The following TECPR2 variants were observed in gnomAD, a reference collection of about 807,000 sequenced individuals.
TECPR2 encodes the protein tectonin beta-propeller repeat containing 2, also known as tectonin beta-propeller repeat-containing protein 2.
In TECPR2, 65 loss-of-function variants were observed where a neutral mutation model predicts 138.1. That is an observed-to-expected ratio of 0.47 (90% CI 0.39 to 0.58). TECPR2 has a LOEUF of 0.58. Among genes scored for constraint, TECPR2 ranks in the 20% least tolerant of loss-of-function variants. The pLI, the probability that TECPR2 is intolerant of heterozygous loss-of-function variation, is 0.00. For synonymous variants in TECPR2, 746 were observed against 749.8 expected (o/e 0.99, Z 0.08); for missense variants, 1,553 against 1,824.5 (o/e 0.85, Z 2.71).
At position 102,408,506 on chromosome 14, in the gene TECPR2, A is replaced by G; in HGVS notation, c.367A>G (p.Thr123Ala). ...RNKQLRRFDV[T>A]GIHKNSITAL... ...TTCATAGCTTCGGAGATTTGATGTC[A>G]CTGGTATTCACAAAAATAGCATTAC... Residue 123 changes from threonine to alanine, a missense_variant, in exon 4 of 20, where the codon ACT becomes GCT. Coordinates refer to ENST00000359520, the MANE Select transcript of TECPR2 (RefSeq NM_014844.5). The G allele has an allele frequency of 6.2e-7, 1 of 1,607,746 alleles. No homozygotes were observed. The highest frequency in any genetic ancestry group is 1.3e-5 in the African/African-American group (1 of 74,552).
At position 102,407,334 on chromosome 14, in the gene TECPR2, C is replaced by G. The variant is rs199851151; in HGVS notation, c.220-4C>G. On this transcript the variant is annotated splice_polypyrimidine_tract_variant and splice_region_variant and intron_variant, in intron 2 of 19. Transcript: ENST00000359520. Reference sequence around the variant, plus strand: ...AGATTCATTTGTTTTCAACGTTTCCCCAGGGGAAGACGGAATCTATCACTG... The same window carrying G: ...AGATTCATTTGTTTTCAACGTTTCCGCAGGGGAAGACGGAATCTATCACTG... 1 of 1,594,872 alleles carries G rather than the reference C, an allele frequency of 6.3e-7. No homozygotes were observed. Among genetic ancestry groups the G allele is most frequent in the Non-Finnish European group, 8.5e-7 (1 of 1,172,640 alleles).
chr14:102,474,453 C>G (rs1344141089), intron 17 of TECPR2, among the ~76,000 whole-genome samples: 2 of 151,704 alleles, frequency 1.3e-5, no homozygotes, highest in East Asian at 3.9e-4. Flanking sequence ...GGAGAAACCC[C>G]GTCTCTACTA....
chr14:102,381,953 A>G (rs78181708), intron 2 of TECPR2, among the ~76,000 whole-genome samples: 6,064 of 152,304 alleles, frequency 0.04, 137 homozygotes, highest in Middle Eastern at 0.088. Context: ...ATACATTTGT[A>G]CATTCTTCTT....
At chr14:102,433,143 A>T (rs530504019) in intron 8 of TECPR2, among the ~76,000 whole-genome samples, 1 of 152,138 alleles carries the variant, frequency 6.6e-6, no homozygotes, top group Admixed American at 6.5e-5. Flanking sequence ...TTTAGTGTTG[A>T]ATATGCTACC....
At chr14:102,495,114 T>A (rs1053864048) in intron 17 of TECPR2, among the ~76,000 whole-genome samples, 10 of 152,036 alleles carry the variant, frequency 6.6e-5, no homozygotes, top group African/African-American at 2.2e-4. Context: ...CTTGGGAAGC[T>A]GAGGTGGGAG....
At chr14:102,480,846 T>TTTG (rs972092766) in intron 17 of TECPR2, among the ~76,000 whole-genome samples, 2 of 119,948 alleles carry the variant, frequency 1.7e-5, no homozygotes, top group East Asian at 2.4e-4. Flanking sequence ...TTTGGGTTTT[T>TTTG]TTTTTTTTTT....
chr14:102,469,859 G>T (rs1481468420), intron 17 of TECPR2, among the ~76,000 whole-genome samples: 1 of 151,956 alleles, frequency 6.6e-6, no homozygotes, highest in Non-Finnish European at 1.5e-5. Flanking sequence ...TGGTCATCTG[G>T]TTTTTTTCCT....
chr14:102,479,246 T>G (rs1185564776), intron 17 of TECPR2, among the ~76,000 whole-genome samples: 1 of 152,110 alleles, frequency 6.6e-6, no homozygotes, highest in Admixed American at 6.6e-5. Flanking sequence ...GTAAAGAGGC[T>G]TGGCCTAGTG....
chr14:102,447,727 G>T (rs546528753), intron 13 of TECPR2, among the ~76,000 whole-genome samples: 1 of 152,238 alleles, frequency 6.6e-6, no homozygotes, highest in South Asian at 2.1e-4. Flanking sequence ...TAGAGACAGG[G>T]TTTCACCATG....
At chr14:102,431,488 G>A (rs911104395) in intron 7 of TECPR2, among the ~76,000 whole-genome samples, 1 of 151,882 alleles carries the variant, frequency 6.6e-6, no homozygotes, top group Non-Finnish European at 1.5e-5. Flanking sequence ...GACCCCCGGC[G>A]CCCGCCACCA....
chr14:102,426,968 C>T (rs757129297), intron 6 of TECPR2, among the ~76,000 whole-genome samples: 4 of 152,174 alleles, frequency 2.6e-5, no homozygotes, highest in Non-Finnish European at 4.4e-5. Flanking sequence ...CCTGGTAACA[C>T]TGGTTTGGCA....
At chr14:102,396,335 T>G (rs1226441501) in intron 2 of TECPR2, among the ~76,000 whole-genome samples, 2 of 152,090 alleles carry the variant, frequency 1.3e-5, no homozygotes, top group East Asian at 3.9e-4. Flanking sequence ...ACTCCTGACC[T>G]CAGGTGATCT....
rs1567342028 is a variant in TECPR2, at chr14:102,438,215, C to A, written c.2578+10C>A. 1.1e-6 allele frequency: 1 copy of A among 872,378 alleles called. No individual in the cohort carries two copies. Among genetic ancestry groups the A allele is most frequent in the South Asian group, 2.1e-5 (1 of 47,354 alleles). 54.0% of individuals were successfully genotyped at this position (872,378 alleles called of 1,614,324 possible). On this transcript the variant is annotated intron_variant, in intron 10 of 19. Coordinates refer to ENST00000359520, the MANE Select transcript of TECPR2 (RefSeq NM_014844.5). The stretch of plus-strand genomic sequence containing the variant: ...GCAGTCTCGCCCTCAGGTTCGCCTC[C>A]CCGCTCCCTGCTCCCGCTCCCTGCT...
rs372609373 is a variant in TECPR2, at chr14:102,443,466, C to T, written c.2753-181C>T. On this transcript the variant is annotated intron_variant, in intron 11 of 19. Transcript: ENST00000359520. The surrounding 1 kb of genome is among the most constrained non-coding windows in gnomAD (Gnocchi z 4.9). ...AGGAGTTTGAGATCAGCCTGGGCAA[C>T]GTAGAAAGGCCCCGTCTATATTTTT... Among the ~76,000 whole-genome samples, 92 of 151,836 alleles carry T rather than the reference C, an allele frequency of 6.1e-4. 2 individuals are homozygous for T. Among genetic ancestry groups the T allele is most frequent in the African/African-American group, 2.1e-3 (88 of 41,402 alleles).
At chr14:102,401,783 C>T (rs1403628843) in intron 2 of TECPR2, among the ~76,000 whole-genome samples, 2 of 95,722 alleles carry the variant, frequency 2.1e-5, no homozygotes, top group African/African-American at 8.3e-5. Context: ...CCAGCCTGTG[C>T]AAAAGAGCGA....
At chr14:102,445,080 A>G (rs149337054) in intron 12 of TECPR2, among the ~76,000 whole-genome samples, 3 of 152,350 alleles carry the variant, frequency 2.0e-5, no homozygotes, top group Non-Finnish European at 4.4e-5. Context: ...GCATGGATGG[A>G]CACCCATTAG....
intron 2 of TECPR2, among the ~76,000 whole-genome samples, chr14:102,395,648 A>G (rs894626605): frequency 1.6e-4 from 25 of 152,062 alleles, no homozygotes; most frequent in Admixed American, 1.3e-4. Flanking sequence ...AAATACAAAA[A>G]TTAGCTGGGC....
chr14:102,484,943 G>A (rs1187835900), intron 17 of TECPR2, among the ~76,000 whole-genome samples: 2 of 152,240 alleles, frequency 1.3e-5, no homozygotes. Context: ...ACAGGCGCGA[G>A]CCACTGCGCC....
chr14:102,449,369 T>C (rs764033204), intron 13 of TECPR2, among the ~76,000 whole-genome samples: 2 of 152,266 alleles, frequency 1.3e-5, no homozygotes, highest in Non-Finnish European at 2.9e-5. Flanking sequence ...TATAAAAGTA[T>C]ATAAAATGTG....
Sources: allele counts gnomAD v4.1 joint callset (sites outside exome capture counted in the v4.1 genomes callset), GRCh38; gene constraint gnomAD v4.1.1; non-coding constraint Gnocchi (gnomAD v3.1); transcripts MANE v1.5; gene names NCBI Gene and HGNC (gene_info 2026-07-23, HGNC 2026-07-21).